The following HECTD2 variants were observed in gnomAD, a reference collection of about 807,000 sequenced individuals.
HECTD2 encodes the protein probable E3 ubiquitin-protein ligase HECTD2.
In HECTD2, 35 loss-of-function variants were observed where a neutral mutation model predicts 103.2. The ratio of observed to expected loss-of-function variants is 0.34; its 90% CI spans 0.26 to 0.45. HECTD2 has a LOEUF of 0.45. HECTD2 is among the 20% of genes least tolerant of loss of function. HECTD2 has a pLI of 1.00. For synonymous variants in HECTD2, 281 were observed against 329.9 expected, an observed-to-expected ratio of 0.85 and a Z score of 1.61; for missense variants, 596 against 937.4, an observed-to-expected ratio of 0.64 and a Z score of 4.76.
At chr10:91,484,218 T>G in intron 8 of HECTD2, 1 of 637,412 alleles carries the variant, frequency 1.6e-6, no homozygotes, top group South Asian at 2.2e-5. Context: ...TTTTACCAAG[T>G]AGGCAAATTT....
intron 1 of HECTD2, 28 bp downstream of exon 1, chr10:91,410,604 G>A (rs1200427578): frequency 1.7e-6 from 2 of 1,182,332 alleles, no homozygotes; most frequent in Non-Finnish European, 2.0e-6. Context: ...GCCGTCTGGC[G>A]CCCCGGACGG....
intron 1 of HECTD2, among the ~76,000 whole-genome samples, chr10:91,424,909 G>T (rs966382642): frequency 1.3e-5 from 2 of 151,964 alleles, no homozygotes; most frequent in African/African-American, 4.8e-5. Flanking sequence ...AATATTTATG[G>T]AGGTCACAAA....
chr10:91,490,890 CAAAAAAAAAAAAAA>C (rs61035151), intron 11 of HECTD2, among the ~76,000 whole-genome samples: 2 of 13,602 alleles, frequency 1.5e-4, no homozygotes, highest in South Asian at 3.8e-3. Flanking sequence ...GACTCCGTCT[CAAAAAAAAAAAAAA>C]AAAAAAAAAA....
intron 5 of HECTD2, among the ~76,000 whole-genome samples, chr10:91,467,438 TG>T (rs1845570507): frequency 6.6e-6 from 1 of 152,136 alleles, no homozygotes; most frequent in African/African-American, 2.4e-5. Flanking sequence ...TGGTCTTGCC[TG>T]TGAGATGGTG....
rs765358067 is a variant in HECTD2 at position 91,483,081 on chromosome 10, A to G, written c.821+5A>G. On this transcript the variant is annotated splice_donor_5th_base_variant and intron_variant, in intron 8 of 20. Coordinates refer to ENST00000298068, the MANE Select transcript of HECTD2 (RefSeq NM_182765.6). ...CCTAGTTCACTGGTTTAAAAAGTAA[A>G]TCATTCTATGATATTAAGAACTTTT... 6 of 1,353,984 alleles carry G rather than the reference A, an allele frequency of 4.4e-6. No homozygotes were observed. Among genetic ancestry groups the G allele is most frequent in the Non-Finnish European group, 6.3e-6 (6 of 953,140 alleles). The allele number at this position is 1,353,984 out of a possible 1,614,324, so 83.9% of individuals were successfully genotyped here.
chr10:91,475,733 A>G (rs1055284977), intron 5 of HECTD2, among the ~76,000 whole-genome samples: 1 of 152,186 alleles, frequency 6.6e-6, no homozygotes, highest in African/African-American at 2.4e-5. Flanking sequence ...CAGACAACAC[A>G]CTCAAATTGG....
At chr10:91,425,700 T>C (rs1237298856) in intron 2 of HECTD2, among the ~76,000 whole-genome samples, 1 of 151,042 alleles carries the variant, frequency 6.6e-6, no homozygotes, top group Non-Finnish European at 1.5e-5. Context: ...AATGTATGTA[T>C]ACAAATATGT....
chr10:91,462,183 C>CTTACTTGCA lies in HECTD2; in HGVS notation c.600_600+1insTACTTGCAT (p.Thr200_Pro201insTyrLeuHis). 1 of 1,575,986 alleles carries CTTACTTGCA rather than the reference C, an allele frequency of 6.3e-7. No homozygotes were observed. Among genetic ancestry groups the CTTACTTGCA allele is most frequent in the Non-Finnish European group, 8.7e-7 (1 of 1,151,558 alleles). ...GCTGTGTATGATACCTTACTTAATA[C>CTTACTTGCA]TGTAAGTATTATGACATGCAAGTAA... On this transcript the variant is annotated inframe_insertion and splice_region_variant, in exon 5 of 21. Coordinates refer to ENST00000298068, the MANE Select transcript of HECTD2 (RefSeq NM_182765.6).
At chr10:91,504,792 C>T (rs1847076843) in intron 20 of HECTD2, among the ~76,000 whole-genome samples, 1 of 151,732 alleles carries the variant, frequency 6.6e-6, no homozygotes, top group Non-Finnish European at 1.5e-5. Context: ...CAAAGATACT[C>T]CTCGAGAAGA....
At chr10:91,475,507 T>G (rs1845869204) in intron 5 of HECTD2, among the ~76,000 whole-genome samples, 1 of 152,210 alleles carries the variant, frequency 6.6e-6, no homozygotes, top group Non-Finnish European at 1.5e-5. Flanking sequence ...ACCATTGTCT[T>G]TCATAAGCTA....
chr10:91,499,632 T>G (rs533050150), intron 18 of HECTD2, among the ~76,000 whole-genome samples: 1 of 152,336 alleles, frequency 6.6e-6, no homozygotes, highest in East Asian at 1.9e-4. Flanking sequence ...TTGGTCTGAC[T>G]TGTCTTAGCC....
At chr10:91,419,260 A>G (rs1007865116) in intron 1 of HECTD2, among the ~76,000 whole-genome samples, 3 of 152,162 alleles carry the variant, frequency 2.0e-5, no homozygotes, top group Non-Finnish European at 4.4e-5. Context: ...TGTTATTCTT[A>G]TTGGCATTGG....
intron 20 of HECTD2, 27 bp downstream of exon 20, chr10:91,501,361 T>C (rs1189766461): frequency 6.8e-7 from 1 of 1,465,428 alleles, no homozygotes; most frequent in Admixed American, 1.9e-5. Context: ...AATTTTATTT[T>C]AAATCTAAAG....
In HECTD2 at chr10:91,410,395, T is replaced by C; in HGVS notation, c.-44T>C. On this transcript the variant is annotated 5_prime_UTR_variant, in exon 1 of 21. Transcript: ENST00000298068. ...GCAGCAGCGCCAGCCCCAGCAACAC[T>C]GAGGCCGCCGCCGCCGCCTGGCGCT... 3.0e-6 allele frequency: 4 copies of C among 1,315,342 alleles called. No homozygotes were observed. The highest frequency in any genetic ancestry group is 3.9e-6 in the Non-Finnish European group (4 of 1,030,626). The allele number at this position is 1,315,342 out of a possible 1,614,324, so 81.5% of individuals were successfully genotyped here.
intron 20 of HECTD2, 45 bp from the exon 21 acceptor site, chr10:91,512,209 AGTCATTTTGT>A: frequency 3.2e-6 from 5 of 1,576,632 alleles, no homozygotes; most frequent in Non-Finnish European, 4.3e-6. Context: ...GTTGCATAGC[AGTCATTTTGT>A]GTGTGTTTCA....
Position 91,512,261 on chromosome 10 carries a change from T to C in HECTD2, c.2211-3T>C. 2 of 1,608,766 alleles carry C rather than the reference T, an allele frequency of 1.2e-6. No homozygotes were observed. Among genetic ancestry groups the C allele is most frequent in the Non-Finnish European group, 1.7e-6 (2 of 1,178,002 alleles). ...AGTATTTTTTTTTAATTTTTTTCCC[T>C]AGCTTACCTGTGGCCCATACCTGCT... On this transcript the variant is annotated splice_region_variant and splice_polypyrimidine_tract_variant and intron_variant, in intron 20 of 20. Transcript: ENST00000298068.
intron 4 of HECTD2, 31 bp downstream of exon 4, chr10:91,461,387 C>T: frequency 9.2e-7 from 1 of 1,081,610 alleles, no homozygotes. Flanking sequence ...CTTTTCATTT[C>T]ACTTTTAGTT....
intron 6 of HECTD2, among the ~76,000 whole-genome samples, chr10:91,480,721 A>G (rs1211996451): frequency 6.6e-6 from 1 of 152,080 alleles, no homozygotes; most frequent in African/African-American, 2.4e-5. Flanking sequence ...TAGAAACACA[A>G]GCATATTTTC....
chr10:91,450,159 A>C (rs1844741030), intron 2 of HECTD2, among the ~76,000 whole-genome samples: 1 of 152,220 alleles, frequency 6.6e-6, no homozygotes, highest in East Asian at 1.9e-4. Flanking sequence ...ATAGCACAGT[A>C]CTGGTACCAA....
Sources: gnomAD v4.1 joint callset for allele counts (sites outside exome capture counted in the v4.1 genomes callset) on GRCh38, gnomAD v4.1.1 for gene constraint, MANE v1.5 for transcripts, NCBI Gene and HGNC (gene_info 2026-07-23, HGNC 2026-07-21) for gene names.